The following RUNX1 variants were observed in gnomAD, a reference collection of about 807,000 sequenced individuals.
RUNX1 encodes the protein RUNX family transcription factor 1, also known as runt-related transcription factor 1.
A neutral mutation model predicts 42.8 loss-of-function variants in RUNX1; 19 were observed. The observed-to-expected ratio is 0.44, with a 90% confidence interval of 0.31 to 0.65. The LOEUF (loss-of-function observed/expected upper bound fraction) is 0.65. Among genes scored for constraint, RUNX1 ranks in the 30% least tolerant of loss-of-function variants. The pLI is 0.07. For missense variants in RUNX1, 528 were observed against 672.0 expected, an observed-to-expected ratio of 0.79 and a Z score of 2.37; for synonymous variants, 271 against 289.4, an observed-to-expected ratio of 0.94 and a Z score of 0.64.
intron 2 of RUNX1, among the ~76,000 whole-genome samples, chr21:35,011,083 G>C (rs983715070): frequency 6.6e-5 from 10 of 152,180 alleles, no homozygotes; most frequent in Non-Finnish European, 2.9e-5. Context: ...CGATTTGCTA[G>C]TAGGTTGGTG....
At chr21:35,038,644 TGTG>T (rs2059333992) in intron 2 of RUNX1, 1 of 452,934 alleles carries the variant, frequency 2.2e-6, no homozygotes, top group African/African-American at 2.0e-5. Flanking sequence ...TGTGTGTGTG[TGTG>T]AGATAGAGAG....
At chr21:34,802,354 T>C (rs540501142) in intron 7 of RUNX1, among the ~76,000 whole-genome samples, 95 of 152,198 alleles carry the variant, frequency 6.2e-4, no homozygotes, top group Non-Finnish European at 7.3e-4. Context: ...AGGAGAGTGA[T>C]GAATAAGACC....
intron 6 of RUNX1, among the ~76,000 whole-genome samples, chr21:34,838,996 G>A (rs2057189834): frequency 6.6e-6 from 1 of 151,700 alleles, no homozygotes; most frequent in African/African-American, 2.4e-5. Context: ...CTTATATATT[G>A]TCCAGTGCTA....
intron 2 of RUNX1, among the ~76,000 whole-genome samples, chr21:34,993,844 C>T (rs2058972813): frequency 6.6e-6 from 1 of 151,954 alleles, no homozygotes. Flanking sequence ...CACAGACACA[C>T]ACACACACGG....
At chr21:34,914,009 A>T (rs1279746496) in intron 2 of RUNX1, among the ~76,000 whole-genome samples, 1 of 152,208 alleles carries the variant, frequency 6.6e-6, no homozygotes, top group African/African-American at 2.4e-5. Context: ...GGCATAAAAT[A>T]ACCTACTGTT....
At chr21:34,935,016 T>G (rs943104306) in intron 2 of RUNX1, among the ~76,000 whole-genome samples, 3 of 152,358 alleles carry the variant, frequency 2.0e-5, no homozygotes, top group Non-Finnish European at 2.9e-5. Flanking sequence ...CTGTCTTTAT[T>G]CTACATTTGA....
chr21:35,043,170 C>T (rs1425501612), intron 2 of RUNX1, among the ~76,000 whole-genome samples: 3 of 152,158 alleles, frequency 2.0e-5, no homozygotes, highest in Non-Finnish European at 2.9e-5. Context: ...TGATTGTGTT[C>T]ACGGTCAGCA....
intron 2 of RUNX1, among the ~76,000 whole-genome samples, chr21:34,964,624 G>C (rs1269802915): frequency 6.6e-6 from 1 of 152,180 alleles, no homozygotes; most frequent in East Asian, 1.9e-4. Context: ...GAAGTACAAA[G>C]TTGAGGGAGG....
At chr21:34,915,100 G>A (rs547325098) in intron 2 of RUNX1, among the ~76,000 whole-genome samples, 2 of 152,144 alleles carry the variant, frequency 1.3e-5, no homozygotes, top group Non-Finnish European at 2.9e-5. Context: ...CAACGAGACC[G>A]CTTTTAGACT....
intron 2 of RUNX1, among the ~76,000 whole-genome samples, chr21:34,928,892 T>G (rs1475449199): frequency 1.3e-5 from 2 of 148,508 alleles, no homozygotes; most frequent in African/African-American, 5.0e-5. Context: ...CTCCACACAA[T>G]GCAGTGTTAA....
At chr21:34,889,675 AC>A in intron 3 of RUNX1, 1 of 1,151,684 alleles carries the variant, frequency 8.7e-7, no homozygotes, top group Non-Finnish European at 1.1e-6. Flanking sequence ...TGCGGAACCC[AC>A]CCCGGCTTCG....
At chr21:35,013,491 T>C (rs1394584754) in intron 2 of RUNX1, among the ~76,000 whole-genome samples, 1 of 152,164 alleles carries the variant, frequency 6.6e-6, no homozygotes, top group East Asian at 1.9e-4. Context: ...TGAAGGTTAT[T>C]GCAAAGTTGA....
At chr21:35,036,076 G>A (rs2059305393) in intron 2 of RUNX1, among the ~76,000 whole-genome samples, 1 of 152,184 alleles carries the variant, frequency 6.6e-6, no homozygotes, top group African/African-American at 2.4e-5. Context: ...AGGGAAGACA[G>A]AAGAGGGAGC....
chr21:34,859,556 GA>G lies in RUNX1; in HGVS notation c.530del (p.Ile177ThrfsTer34). 1 of 1,614,148 alleles carries G rather than the reference GA, an allele frequency of 6.2e-7. No homozygotes were observed. The highest frequency in any genetic ancestry group is 8.5e-7 in the Non-Finnish European group (1 of 1,179,974). ...CTTGCGGTGGGTTTGTGAAGACAGT[GA>G]TGGTCAGAGTGAAGCTTTTCCCTGT... ...SGRGKSFTLT[I>X]TVFTNPPQVA... is the part of the protein sequence containing the mutation. On this transcript the variant is annotated frameshift_variant, in exon 6 of 9. Transcript: ENST00000675419. LOFTEE classifies it high-confidence loss of function.
intron 6 of RUNX1, among the ~76,000 whole-genome samples, chr21:34,850,168 T>C (rs2057397214): frequency 6.6e-6 from 1 of 152,228 alleles, no homozygotes; most frequent in Admixed American, 6.5e-5. Context: ...TTTAATGTGC[T>C]GGGATGCTGT....
intron 2 of RUNX1, among the ~76,000 whole-genome samples, chr21:34,996,623 G>A (rs528763290): frequency 7.8e-6 from 1 of 128,776 alleles, no homozygotes; most frequent in South Asian, 2.6e-4. Flanking sequence ...AGCTTGAAGA[G>A]GAATGCTGAA....
Position 34,849,483 on chromosome 21 carries a change from A to G in RUNX1, c.613+9991T>C, listed in dbSNP as rs183753605. On this transcript the variant is annotated intron_variant, in intron 6 of 8. Transcript: ENST00000675419. ...ATATAGTATATATATAATATATATTATATATATATATATTAGCTTGGCTTT... is the reference window on the plus strand; with the variant it reads ...ATATAGTATATATATAATATATATTGTATATATATATATTAGCTTGGCTTT... 4.4e-4 allele frequency among the ~76,000 whole-genome samples: 44 copies of G among 99,692 alleles called. 1 individual carries two copies. The East Asian group carries it at 0.011, about 25-fold the overall frequency. The allele number at this position is 99,692 out of a possible 152,430, so 65.4% of individuals were successfully genotyped here.
At chr21:34,946,106 C>A (rs2058561631) in intron 2 of RUNX1, among the ~76,000 whole-genome samples, 1 of 152,172 alleles carries the variant, frequency 6.6e-6, no homozygotes, top group Non-Finnish European at 1.5e-5. Flanking sequence ...GTTAGTCCTG[C>A]CACCTCCTCT....
At chr21:34,927,721 G>C (rs1295735119) in intron 2 of RUNX1, among the ~76,000 whole-genome samples, 3 of 152,222 alleles carry the variant, frequency 2.0e-5, no homozygotes, top group African/African-American at 7.2e-5. Context: ...AGTATAGACA[G>C]AGGGCCTGCC....
Sources: gnomAD v4.1 joint callset for allele counts (sites outside exome capture counted in the v4.1 genomes callset) on GRCh38, gnomAD v4.1.1 for gene constraint, MANE v1.5 for transcripts, NCBI Gene and HGNC (gene_info 2026-07-23, HGNC 2026-07-21) for gene names.